The following CDH12 variants were observed in gnomAD, a reference collection of about 807,000 sequenced individuals.
CDH12 encodes cadherin-12.
Under a neutral mutation model 74.1 loss-of-function variants are expected in CDH12, and 41 were observed. The observed-to-expected ratio is 0.55, with a 90% confidence interval of 0.43 to 0.72. CDH12 has a LOEUF of 0.72. CDH12 is among the 30% of genes least tolerant of loss of function. The pLI is 0.00. For synonymous variants in CDH12, 399 were observed against 355.0 expected, an observed-to-expected ratio of 1.12 and a Z score of -1.39; for missense variants, 945 against 977.2, an observed-to-expected ratio of 0.97 and a Z score of 0.44.
intron 2 of CDH12, among the ~76,000 whole-genome samples, chr5:22,412,115 T>C (rs1029210260): frequency 6.6e-6 from 1 of 151,988 alleles, no homozygotes; most frequent in African/African-American, 2.4e-5. Context: ...TTGATCATCT[T>C]TCCAAGAAAA....
chr5:22,827,180 C>T (rs1263964261), intron 1 of CDH12, among the ~76,000 whole-genome samples: 3 of 152,142 alleles, frequency 2.0e-5, no homozygotes, highest in Admixed American at 2.0e-4. Flanking sequence ...CAATGTAGAG[C>T]TCGGGCTGTG....
chr5:21,832,957 A>G (rs1335380490), intron 8 of CDH12, among the ~76,000 whole-genome samples: 1 of 95,646 alleles, frequency 1.0e-5, no homozygotes, highest in East Asian at 2.7e-4. Flanking sequence ...CATATTATGT[A>G]ATATGATATA....
intron 1 of CDH12, among the ~76,000 whole-genome samples, chr5:22,834,590 G>T (rs929203455): frequency 4.6e-5 from 7 of 152,148 alleles, no homozygotes; most frequent in Admixed American, 2.6e-4. Flanking sequence ...AATAAATGAG[G>T]TTACACTTAT....
Position 21,955,013 on chromosome 5 carries a change from T to G in CDH12, c.526+20078A>C, listed in dbSNP as rs369767837. On this transcript the variant is annotated intron_variant, in intron 6 of 14. Transcript: ENST00000382254. ...TTCATGTTATTGAGTAGAGTAGTAATACAGTGTGTTCCCTTGTGAAGTTCA... is the reference window on the plus strand; with the variant it reads ...TTCATGTTATTGAGTAGAGTAGTAAGACAGTGTGTTCCCTTGTGAAGTTCA... 1.9e-4 allele frequency among the ~76,000 whole-genome samples: 29 copies of G among 152,224 alleles called. No homozygotes were observed. The South Asian group carries it at 5.0e-3, about 26-fold the overall frequency.
At chr5:22,624,290 C>T (rs1486648794) in intron 1 of CDH12, among the ~76,000 whole-genome samples, 7 of 152,208 alleles carry the variant, frequency 4.6e-5, no homozygotes, top group South Asian at 2.1e-4. Context: ...GCAAAGGTAA[C>T]GAAAGCCAAA....
intron 3 of CDH12, among the ~76,000 whole-genome samples, chr5:22,319,482 A>G (rs1738771720): frequency 6.6e-6 from 1 of 152,148 alleles, no homozygotes; most frequent in South Asian, 2.1e-4. Flanking sequence ...GGAAAGGCAA[A>G]CTTCTTTGCT....
chr5:22,122,536 G>T (rs1460023410), intron 4 of CDH12, among the ~76,000 whole-genome samples: 1 of 151,710 alleles, frequency 6.6e-6, no homozygotes, highest in Non-Finnish European at 1.5e-5. Context: ...CATTTCTCTT[G>T]CTTTATCTTT....
chr5:21,812,470 A>T (rs1747800741), intron 9 of CDH12, among the ~76,000 whole-genome samples: 2 of 152,238 alleles, frequency 1.3e-5, no homozygotes. Flanking sequence ...TTCTTTAAGG[A>T]TTCCTAATGA....
At chr5:21,927,911 T>C (rs1312510329) in intron 6 of CDH12, among the ~76,000 whole-genome samples, 2 of 150,620 alleles carry the variant, frequency 1.3e-5, no homozygotes, top group Non-Finnish European at 3.0e-5. Flanking sequence ...CTACTAAAAA[T>C]ACAAAAAAAA....
intron 1 of CDH12, among the ~76,000 whole-genome samples, chr5:22,830,896 A>G (rs1308521870): frequency 6.6e-6 from 1 of 151,646 alleles, no homozygotes; most frequent in Non-Finnish European, 1.5e-5. Flanking sequence ...CACTGATAAC[A>G]AACTTAAATA....
At chr5:22,065,500 A>G (rs1741494971) in intron 5 of CDH12, among the ~76,000 whole-genome samples, 1 of 152,146 alleles carries the variant, frequency 6.6e-6, no homozygotes. Context: ...ACAGTAAATG[A>G]ATGTGAAATG....
At position 21,752,250 on chromosome 5, in the gene CDH12, A is replaced by C. The variant is rs1245599461; in HGVS notation, c.1886-14T>G. On this transcript the variant is annotated splice_polypyrimidine_tract_variant and intron_variant, in intron 14 of 14. Transcript: ENST00000382254. The stretch of plus-strand genomic sequence containing the variant: ...GTACAACTATGGCTGGAACAAGACA[A>C]AAATTGCAATTTGAGAATAGAAAGC... 1.9e-6 allele frequency: 3 copies of C among 1,561,766 alleles called. No homozygotes were observed. Among genetic ancestry groups the C allele is most frequent in the Non-Finnish European group, 2.6e-6 (3 of 1,155,176 alleles).
intron 1 of CDH12, among the ~76,000 whole-genome samples, chr5:22,847,643 C>T (rs1055164012): frequency 6.6e-6 from 1 of 152,028 alleles, no homozygotes; most frequent in Non-Finnish European, 1.5e-5. Flanking sequence ...ATTAGCATCA[C>T]GTTTTGGTTA....
chr5:22,849,772 A>G (rs980848585), intron 1 of CDH12, among the ~76,000 whole-genome samples: 1 of 152,152 alleles, frequency 6.6e-6, no homozygotes, highest in Non-Finnish European at 1.5e-5. Context: ...ACATTGTTCA[A>G]GAAACACATA....
chr5:22,811,531 A>G (rs921217598), intron 1 of CDH12, among the ~76,000 whole-genome samples: 3 of 152,226 alleles, frequency 2.0e-5, no homozygotes, highest in Non-Finnish European at 2.9e-5. Flanking sequence ...GAGGAACTCA[A>G]CTGAAGCAAA....
intron 1 of CDH12, among the ~76,000 whole-genome samples, chr5:22,643,720 G>A (rs1739274174): frequency 7.8e-6 from 1 of 128,058 alleles, no homozygotes; most frequent in Non-Finnish European, 1.7e-5. Context: ...TGCGCTTTTG[G>A]ATTTTAAGGT....
intron 3 of CDH12, among the ~76,000 whole-genome samples, chr5:22,258,979 C>T (rs1405145689): frequency 6.6e-6 from 1 of 152,176 alleles, no homozygotes; most frequent in Non-Finnish European, 1.5e-5. Flanking sequence ...CAGATAAACA[C>T]ATCACAGATC....
intron 1 of CDH12, among the ~76,000 whole-genome samples, chr5:22,828,253 A>T (rs1736428704): frequency 1.3e-5 from 2 of 152,208 alleles, no homozygotes; most frequent in Admixed American, 6.5e-5. Flanking sequence ...GTCTATAAAT[A>T]ATATCATTAT....
chr5:22,120,396 AG>A (rs1426592292), intron 4 of CDH12, among the ~76,000 whole-genome samples: 1 of 152,032 alleles, frequency 6.6e-6, no homozygotes, highest in Non-Finnish European at 1.5e-5. Flanking sequence ...CAGTAGATGA[AG>A]TATTACATGT....
Sources: allele counts gnomAD v4.1 joint callset (sites outside exome capture counted in the v4.1 genomes callset), GRCh38; gene constraint gnomAD v4.1.1; transcripts MANE v1.5; gene names NCBI Gene and HGNC (gene_info 2026-07-23, HGNC 2026-07-21).